Variants in FRMD4A observed in about 807,000 individuals in gnomAD.
FRMD4A encodes FERM domain-containing protein 4A.
Under a neutral mutation model 129.1 loss-of-function variants are expected in FRMD4A, and 29 were observed. The observed-to-expected ratio is 0.22, with a 90% CI of 0.17 to 0.31. FRMD4A has a LOEUF of 0.31. FRMD4A is among the 10% of genes least tolerant of loss of function. The pLI, the probability that FRMD4A is intolerant of heterozygous loss-of-function variation, is 1.00. For synonymous variants in FRMD4A, 634 were observed against 571.6 expected (o/e 1.11, Z -1.56); for missense variants, 1,272 against 1,375.8 (o/e 0.92, Z 1.19).
intron 2 of FRMD4A, among the ~76,000 whole-genome samples, chr10:13,966,805 C>CA (rs1352374537): frequency 3.9e-5 from 6 of 152,206 alleles, no homozygotes; most frequent in Non-Finnish European, 5.9e-5. Flanking sequence ...TTTGCAATTG[C>CA]AAAAATGCGG....
chr10:13,908,895 A>T (rs930638956), intron 2 of FRMD4A, among the ~76,000 whole-genome samples: 1 of 152,212 alleles, frequency 6.6e-6, no homozygotes, highest in South Asian at 2.1e-4. Context: ...CTAACAAAAG[A>T]TTCACTGATT....
At chr10:13,652,370 A>C (rs1165975155) in intron 23 of FRMD4A, 4 of 214,618 alleles carry the variant, frequency 1.9e-5, no homozygotes, top group Non-Finnish European at 3.7e-5. Context: ...GAGCCTGTTG[A>C]CAGCCAAATA....
At chr10:14,117,889 G>A (rs1838285105) in intron 2 of FRMD4A, among the ~76,000 whole-genome samples, 1 of 152,134 alleles carries the variant, frequency 6.6e-6, no homozygotes, top group Admixed American at 6.5e-5. Context: ...GGCAATATGG[G>A]CACCTATACT....
intron 2 of FRMD4A, among the ~76,000 whole-genome samples, chr10:14,322,811 A>G (rs528735286): frequency 6.6e-6 from 1 of 152,340 alleles, no homozygotes; most frequent in East Asian, 1.9e-4. Flanking sequence ...ATATTCTGGC[A>G]TAGAAGCCAA....
At chr10:13,840,876 A>C (rs1210423603) in intron 3 of FRMD4A, among the ~76,000 whole-genome samples, 1 of 150,918 alleles carries the variant, frequency 6.6e-6, no homozygotes, top group Non-Finnish European at 1.5e-5. Flanking sequence ...TGGGAGGCCA[A>C]GGTGGGAGGA....
At chr10:14,249,671 A>G (rs1564416871) in intron 2 of FRMD4A, among the ~76,000 whole-genome samples, 4 of 152,234 alleles carry the variant, frequency 2.6e-5, no homozygotes, top group Admixed American at 2.6e-4. Context: ...ATGCAAAACA[A>G]TTTAGCACAA....
At chr10:13,981,836 G>A (rs2095562605) in intron 2 of FRMD4A, among the ~76,000 whole-genome samples, 1 of 152,036 alleles carries the variant, frequency 6.6e-6, no homozygotes, top group Admixed American at 6.6e-5. Context: ...TCCTGTTAGG[G>A]CAGGGGGTCA....
chr10:13,897,074 C>T (rs567691939), intron 2 of FRMD4A, among the ~76,000 whole-genome samples: 4 of 152,264 alleles, frequency 2.6e-5, no homozygotes, highest in Non-Finnish European at 4.4e-5. Flanking sequence ...GAACACTAGG[C>T]GTAAGTGGCT....
chr10:14,039,370 CCA>C (rs1491455187), intron 2 of FRMD4A, among the ~76,000 whole-genome samples: 36 of 104,176 alleles, frequency 3.5e-4, no homozygotes, highest in African/African-American at 1.5e-3. Context: ...GTCCGTCCGT[CCA>C]TCCATCCATC....
In FRMD4A at chr10:13,769,520, G is replaced by A. The variant is rs182588130; in HGVS notation, c.385-6840C>T. 2.5e-4 allele frequency among the ~76,000 whole-genome samples: 38 copies of A among 152,162 alleles called. No individual in the cohort carries two copies. The South Asian group carries it at 3.1e-3, about 12-fold the overall frequency. On this transcript the variant is annotated intron_variant, in intron 6 of 24. Transcript: ENST00000357447. Reference sequence around the variant, plus strand: ...AGACGAGGTTTCACCATGTTGCCCCGGGTGGTCTAGAACTCCTGGGCTCAA... The same window carrying A: ...AGACGAGGTTTCACCATGTTGCCCCAGGTGGTCTAGAACTCCTGGGCTCAA...
chr10:13,806,024 A>G (rs1485684527), intron 4 of FRMD4A, among the ~76,000 whole-genome samples: 1 of 151,910 alleles, frequency 6.6e-6, no homozygotes, highest in Admixed American at 6.6e-5. Flanking sequence ...CACCCATTTA[A>G]TTTCTGTATT....
chr10:13,802,714 T>C (rs903716404), intron 4 of FRMD4A, among the ~76,000 whole-genome samples: 11 of 151,802 alleles, frequency 7.2e-5, no homozygotes, highest in African/African-American at 2.4e-4. Context: ...CTTCAAGCAA[T>C]CCTCCTACTT....
chr10:14,096,825 A>T (rs1836988427), intron 2 of FRMD4A, among the ~76,000 whole-genome samples: 1 of 152,192 alleles, frequency 6.6e-6, no homozygotes, highest in South Asian at 2.1e-4. Flanking sequence ...ATTACATCTT[A>T]TTCATTCACT....
At position 14,036,517 on chromosome 10, in the gene FRMD4A, G is replaced by T. The variant is rs192854115; in HGVS notation, c.46-177605C>A. Reference sequence around the variant, plus strand: ...TGATGCTTGTTTCACTTCTTAACCCGGATTGCTTGCATTTGTACTTTCTGG... The same window carrying T: ...TGATGCTTGTTTCACTTCTTAACCCTGATTGCTTGCATTTGTACTTTCTGG... On this transcript the variant is annotated intron_variant, in intron 2 of 24. Transcript: ENST00000357447. Among the ~76,000 whole-genome samples the T allele has an allele frequency of 8.1e-4, 124 of 152,252 alleles. 1 individual carries two copies. Among genetic ancestry groups the T allele is most frequent in the Admixed American group, 7.6e-3 (116 of 15,296 alleles).
chr10:13,662,102 G>A (rs1340764394), intron 19 of FRMD4A, among the ~76,000 whole-genome samples: 1 of 152,142 alleles, frequency 6.6e-6, no homozygotes, highest in Non-Finnish European at 1.5e-5. Flanking sequence ...TATTGCTCCA[G>A]GCACCCCTCT....
intron 2 of FRMD4A, among the ~76,000 whole-genome samples, chr10:14,127,954 CTTTCTTTCTTTCTTTCTTTCTTTCCT>C (rs1441771709): frequency 0.027 from 723 of 26,740 alleles, 12 homozygotes; most frequent in African/African-American, 0.11. Flanking sequence ...TTCTTTCTTT[CTTTCTTTCTTTCTTTCTTTCTTTCCT>C]TCTCTCTCTC....
At chr10:13,789,561 C>CACACAT (rs1416974925) in intron 5 of FRMD4A, among the ~76,000 whole-genome samples, 1 of 142,854 alleles carries the variant, frequency 7.0e-6, no homozygotes, top group African/African-American at 2.9e-5. Context: ...GAAAAGACCA[C>CACACAT]ACACACACAC....
intron 2 of FRMD4A, among the ~76,000 whole-genome samples, chr10:14,296,970 G>C (rs1005294746): frequency 6.6e-6 from 1 of 152,142 alleles, no homozygotes; most frequent in African/African-American, 2.4e-5. Context: ...TCCGAGCCCA[G>C]ACACAGCTTC....
At chr10:13,901,544 G>T (rs1460658912) in intron 2 of FRMD4A, among the ~76,000 whole-genome samples, 1 of 150,978 alleles carries the variant, frequency 6.6e-6, no homozygotes, top group Non-Finnish European at 1.5e-5. Context: ...AGGAGGTGGA[G>T]GTTGCAGTGA....
Sources: gnomAD v4.1 joint callset for allele counts (sites outside exome capture counted in the v4.1 genomes callset) on GRCh38, gnomAD v4.1.1 for gene constraint, MANE v1.5 for transcripts, NCBI Gene and HGNC (gene_info 2026-07-23, HGNC 2026-07-21) for gene names.